The following SPOCK3 variants were observed in gnomAD, a reference collection of about 807,000 sequenced individuals.
SPOCK3 encodes SPARC (osteonectin), cwcv and kazal like domains proteoglycan 3, also known as testican-3.
A neutral mutation model predicts 56.6 loss-of-function variants in SPOCK3; 30 were observed. The ratio of observed to expected loss-of-function variants is 0.53; its 90% confidence interval spans 0.40 to 0.72. The LOEUF (loss-of-function observed/expected upper bound fraction) is 0.72. Among genes scored for constraint, SPOCK3 ranks in the 30% least tolerant of loss-of-function variants. The pLI is 0.00. For synonymous variants in SPOCK3, 196 were observed against 183.3 expected (o/e 1.07, Z -0.56); for missense variants, 527 against 530.0 (o/e 0.99, Z 0.06).
At chr4:167,061,321 C>T (rs1755583137) in intron 3 of SPOCK3, among the ~76,000 whole-genome samples, 1 of 151,854 alleles carries the variant, frequency 6.6e-6, no homozygotes, top group African/African-American at 2.4e-5. Flanking sequence ...TTTTTATTGC[C>T]TGTGTTTTAG....
At chr4:166,919,221 A>G (rs1738220782) in intron 4 of SPOCK3, among the ~76,000 whole-genome samples, 3 of 152,212 alleles carry the variant, frequency 2.0e-5, no homozygotes, top group African/African-American at 7.2e-5. Context: ...ATGATGTAGA[A>G]AAGTTACCAA....
At chr4:166,851,718 C>T (rs1295030669) in intron 6 of SPOCK3, among the ~76,000 whole-genome samples, 1 of 151,894 alleles carries the variant, frequency 6.6e-6, no homozygotes, top group African/African-American at 2.4e-5. Flanking sequence ...ACTAGTTCAA[C>T]CATTGTGGAA....
At chr4:166,937,123 C>T (rs1021864287) in intron 4 of SPOCK3, among the ~76,000 whole-genome samples, 2 of 151,742 alleles carry the variant, frequency 1.3e-5, no homozygotes, top group Non-Finnish European at 2.9e-5. Context: ...AGTATTTGTC[C>T]TGGTCACAAC....
chr4:166,983,654 A>G (rs2150097746), intron 4 of SPOCK3, among the ~76,000 whole-genome samples: 1 of 152,216 alleles, frequency 6.6e-6, no homozygotes, highest in East Asian at 1.9e-4. Flanking sequence ...CAAAGAAATA[A>G]TAAAATCTGA....
At chr4:166,968,258 T>C (rs565477294) in intron 4 of SPOCK3, among the ~76,000 whole-genome samples, 2 of 152,166 alleles carry the variant, frequency 1.3e-5, no homozygotes, top group Non-Finnish European at 2.9e-5. Context: ...AAAGAAAAAC[T>C]CATTTTCTGG....
At chr4:167,228,635 T>G (rs1010975885) in intron 2 of SPOCK3, among the ~76,000 whole-genome samples, 3 of 152,086 alleles carry the variant, frequency 2.0e-5, no homozygotes, top group Non-Finnish European at 4.4e-5. Context: ...GTGGTTGTAG[T>G]AGCAGGTTTA....
At chr4:166,824,391 T>G (rs1030162583) in intron 6 of SPOCK3, among the ~76,000 whole-genome samples, 28 of 152,088 alleles carry the variant, frequency 1.8e-4, no homozygotes, top group African/African-American at 6.8e-4. Flanking sequence ...TTTATTCCAC[T>G]CTTACAGAGC....
intron 7 of SPOCK3, among the ~76,000 whole-genome samples, chr4:166,768,168 C>G (rs533312543): frequency 4.6e-5 from 7 of 152,142 alleles, no homozygotes; most frequent in South Asian, 4.2e-4. Context: ...TCTTTTAATT[C>G]GAGCATTTAG....
At chr4:166,775,921 A>G (rs1220520992) in intron 7 of SPOCK3, among the ~76,000 whole-genome samples, 1 of 152,214 alleles carries the variant, frequency 6.6e-6, no homozygotes, top group African/African-American at 2.4e-5. Context: ...AACAACAACA[A>G]ACCCAAAGTG....
chr4:166,975,081 A>T (rs1745795901), intron 4 of SPOCK3, among the ~76,000 whole-genome samples: 1 of 152,104 alleles, frequency 6.6e-6, no homozygotes, highest in Non-Finnish European at 1.5e-5. Context: ...TTGTCCTGTG[A>T]TGCTTTTGTC....
At chr4:167,226,201 T>G (rs2062380) in intron 2 of SPOCK3, among the ~76,000 whole-genome samples, 4,833 of 152,242 alleles carry the variant, frequency 0.032, 111 homozygotes, top group Middle Eastern at 0.075. Flanking sequence ...GTAGATTCAG[T>G]CTCTCCTTAA....
chr4:166,981,729 T>C (rs940778846), intron 4 of SPOCK3, among the ~76,000 whole-genome samples: 3 of 152,168 alleles, frequency 2.0e-5, no homozygotes, highest in African/African-American at 7.2e-5. Context: ...ACCAGGCACC[T>C]GTCTGACTCC....
chr4:167,058,308 G>C (rs536563509), intron 3 of SPOCK3, among the ~76,000 whole-genome samples: 1 of 152,054 alleles, frequency 6.6e-6, no homozygotes, highest in African/African-American at 2.4e-5. Flanking sequence ...AAAGTCTCAG[G>C]ATACAAAATC....
chr4:166,746,559 A>T (rs553527433), intron 8 of SPOCK3, among the ~76,000 whole-genome samples: 36 of 152,190 alleles, frequency 2.4e-4, no homozygotes, highest in African/African-American at 3.4e-4. Context: ...ACACCCTAAC[A>T]TCACAATTAA....
intron 4 of SPOCK3, among the ~76,000 whole-genome samples, chr4:166,981,955 A>C (rs765648435): frequency 2.6e-5 from 4 of 152,222 alleles, no homozygotes; most frequent in Non-Finnish European, 4.4e-5. Flanking sequence ...AGCAGATGCC[A>C]GAGTTCGGAG....
chr4:167,056,732 G>A (rs1477417936), intron 3 of SPOCK3, among the ~76,000 whole-genome samples: 1 of 152,106 alleles, frequency 6.6e-6, no homozygotes, highest in African/African-American at 2.4e-5. Flanking sequence ...GGGAAGTTTA[G>A]AGAAAAAAGA....
intron 2 of SPOCK3, among the ~76,000 whole-genome samples, chr4:167,224,854 A>T (rs924595787): frequency 7.2e-5 from 11 of 152,188 alleles, no homozygotes; most frequent in African/African-American, 2.6e-4. Flanking sequence ...TTTAGGAGAG[A>T]TGGGATTTCA....
intron 5 of SPOCK3, among the ~76,000 whole-genome samples, chr4:166,899,050 A>C (rs1735718879): frequency 6.6e-6 from 1 of 151,890 alleles, no homozygotes; most frequent in Non-Finnish European, 1.5e-5. Flanking sequence ...GCCCTCTGAC[A>C]TCAGCACTCA....
chr4:166,917,717 C>T (rs1490377346), intron 4 of SPOCK3, among the ~76,000 whole-genome samples: 4 of 152,022 alleles, frequency 2.6e-5, no homozygotes, highest in Non-Finnish European at 2.9e-5. Flanking sequence ...CCTGCTCCTT[C>T]GTGAAGGAAG....
Sources: gnomAD v4.1 joint callset for allele counts (sites outside exome capture counted in the v4.1 genomes callset) on GRCh38, gnomAD v4.1.1 for gene constraint, MANE v1.5 for transcripts, NCBI Gene and HGNC (gene_info 2026-07-23, HGNC 2026-07-21) for gene names.